MTFR1: variants seen among roughly 807,000 people sequenced by gnomAD.
MTFR1 encodes chondrocyte protein with a poly-proline region.
A neutral mutation model predicts 38.8 loss-of-function variants in MTFR1; 28 were observed. The ratio of observed to expected loss-of-function variants is 0.72; its 90% CI spans 0.53 to 0.99. MTFR1 has a LOEUF of 0.99. Among genes scored for constraint, MTFR1 ranks in the 50% least tolerant of loss-of-function variants. The pLI, the probability that MTFR1 is intolerant of heterozygous loss-of-function variation, is 0.00. For missense variants in MTFR1, 358 were observed against 395.5 expected (o/e 0.91, Z 0.81); for synonymous variants, 145 against 137.0 (o/e 1.06, Z -0.41).
chr8:65,662,032 CCTCTCTCTCCCTCTCTCTCTCCCT>C (rs764025677), intron 1 of MTFR1, among the ~76,000 whole-genome samples: 9 of 100,528 alleles, frequency 9.0e-5, no homozygotes, highest in South Asian at 4.4e-4. Context: ...TCTCTCTCTC[CCTCTCTCTCCCTCTCTCTCTCCCT>C]CTCTCTCTCC....
chr8:65,719,218 C>G (rs1226514229), intron 2 of MTFR1: 1 of 1,002,188 alleles, frequency 1.0e-6, no homozygotes, highest in Non-Finnish European at 1.6e-6. Flanking sequence ...GAGTTAAGTT[C>G]TCTCACCTCA....
chr8:65,771,589 C>T (rs753983690), downstream of MTFR1, among the ~76,000 whole-genome samples: 2 of 151,968 alleles, frequency 1.3e-5, no homozygotes, highest in Non-Finnish European at 2.9e-5. Context: ...GCTGGGCGCA[C>T]GCAGTGGCTC....
intron 3 of MTFR1, among the ~76,000 whole-genome samples, chr8:65,763,303 G>A (rs938230950): frequency 6.6e-6 from 1 of 152,074 alleles, no homozygotes; most frequent in Non-Finnish European, 1.5e-5. Flanking sequence ...GGTGGCTCAC[G>A]CCTGTTAATC....
intron 3 of MTFR1, among the ~76,000 whole-genome samples, chr8:65,737,666 A>G (rs766602380): frequency 6.6e-6 from 1 of 151,942 alleles, no homozygotes; most frequent in Non-Finnish European, 1.5e-5. Flanking sequence ...TTACAGGCAC[A>G]TGCCTCCACA....
intron 2 of MTFR1, among the ~76,000 whole-genome samples, chr8:65,680,148 T>A (rs1466747252): frequency 6.6e-6 from 1 of 151,232 alleles, no homozygotes; most frequent in African/African-American, 2.4e-5. Context: ...GATTTCCACT[T>A]TGTTGGTTTT....
chr8:65,655,951 A>ATATATATATATATATATATGTAT, intron 1 of MTFR1, among the ~76,000 whole-genome samples: 1 of 55,404 alleles, frequency 1.8e-5, no homozygotes. Flanking sequence ...TAAAAAAAAA[A>ATATATATATATATATATATGTAT]ATATATATAT....
chr8:65,726,968 T>C, intron 3 of MTFR1: 1 of 1,553,394 alleles, frequency 6.4e-7, no homozygotes, highest in Non-Finnish European at 8.9e-7. Flanking sequence ...TGAGGTATTC[T>C]ACAACAAAGG....
chr8:65,677,788 T>C (rs1190805507), intron 2 of MTFR1, among the ~76,000 whole-genome samples: 1 of 151,180 alleles, frequency 6.6e-6, no homozygotes, highest in Non-Finnish European at 1.5e-5. Flanking sequence ...GAGGCTGAGG[T>C]GGGTGGATCA....
At chr8:65,726,819 T>C (rs1806631819) in intron 3 of MTFR1, 2 of 889,264 alleles carry the variant, frequency 2.2e-6, no homozygotes, top group African/African-American at 1.7e-5. Context: ...AAAATTACTT[T>C]GCCAACTTAA....
Position 65,707,143 on chromosome 8 carries a change from A to T in MTFR1, c.651A>T (p.Lys217Asn), listed in dbSNP as rs1237391258. 6.2e-7 allele frequency: 1 copy of T among 1,614,066 alleles called. No homozygotes were observed. Among genetic ancestry groups the T allele is most frequent in the African/African-American group, 1.3e-5 (1 of 74,916 alleles). The part of the protein sequence containing the change: ...AVDLIKERRE[K>N]RANAGKTLVK... Reference sequence around the variant, plus strand: ...ATCTGATTAAAGAACGAAGAGAGAAAAGAGCCAATGCTGGAAAGACTTTGG... The same window carrying T: ...ATCTGATTAAAGAACGAAGAGAGAATAGAGCCAATGCTGGAAAGACTTTGG... Residue 217 changes from lysine to asparagine, a missense_variant, in exon 6 of 8, where the codon AAA (lysine) becomes AAT (asparagine). Coordinates refer to ENST00000262146, the MANE Select transcript of MTFR1 (RefSeq NM_014637.4).
chr8:65,669,608 A>G (rs1314984428), intron 1 of MTFR1, among the ~76,000 whole-genome samples: 4 of 151,838 alleles, frequency 2.6e-5, no homozygotes, highest in African/African-American at 7.3e-5. Flanking sequence ...CTGGAGTACA[A>G]TGGCGCGATC....
chr8:65,775,710 C>T (rs1224029232), downstream of MTFR1, among the ~76,000 whole-genome samples: 4 of 152,204 alleles, frequency 2.6e-5, no homozygotes, highest in Non-Finnish European at 5.9e-5. Context: ...TAACTGCAAC[C>T]TCCGCCTCCC....
chr8:65,724,268 T>A (rs1330435525), intron 3 of MTFR1: 2 of 1,609,032 alleles, frequency 1.2e-6, no homozygotes, highest in Non-Finnish European at 1.7e-6. Context: ...GATGGAAGAA[T>A]TCCTCCGTTA....
In MTFR1 at chr8:65,693,740, G is replaced by C. The variant is rs1422299991; in HGVS notation, c.262G>C (p.Glu88Gln). 1.2e-6 allele frequency: 2 copies of C among 1,614,062 alleles called. No homozygotes were observed. Among genetic ancestry groups the C allele is most frequent in the Non-Finnish European group, 1.7e-6 (2 of 1,179,950 alleles). ...TGGATGGGTAGCCAAAGAAGAAGGAGAGTGTTCAGCAAGACTAAGGTTAGT... is the reference window on the plus strand; with the variant it reads ...TGGATGGGTAGCCAAAGAAGAAGGACAGTGTTCAGCAAGACTAAGGTTAGT... ...DVGWVAKEEG[E>Q]CSARLRTEVR... Residue 88 changes from glutamate to glutamine, a missense_variant, in exon 4 of 8, where the codon GAG (glutamate) becomes CAG (glutamine). Physicochemically the swap from Glu to Gln is conservative, Grantham distance 29. Transcript: ENST00000262146.
chr8:65,706,864 A>C, intron 5 of MTFR1, 146 bp from the exon 6 acceptor site: 1 of 833,852 alleles, frequency 1.2e-6, no homozygotes, highest in Non-Finnish European at 1.8e-6. Flanking sequence ...AAGTAACTGA[A>C]ACTGTCTTGC....
chr8:65,747,703 C>T (rs748733318), intron 3 of MTFR1: 68 of 1,611,184 alleles, frequency 4.2e-5, no homozygotes, highest in Admixed American at 6.7e-5. Flanking sequence ...AATTTGAAAC[C>T]GCAGTACCAC....
intron 3 of MTFR1, among the ~76,000 whole-genome samples, chr8:65,756,791 T>C (rs1808258666): frequency 6.6e-6 from 1 of 152,182 alleles, no homozygotes; most frequent in South Asian, 2.1e-4. Context: ...TCCTGTGGGC[T>C]ATATTTTCCT....
At chr8:65,724,545 T>C (rs993761207) in intron 3 of MTFR1, among the ~76,000 whole-genome samples, 1 of 152,168 alleles carries the variant, frequency 6.6e-6, no homozygotes, top group African/African-American at 2.4e-5. Context: ...CTTGTAAAAA[T>C]TGTTTTCATC....
chr8:65,727,141 A>G, intron 3 of MTFR1: 1 of 1,328,658 alleles, frequency 7.5e-7, no homozygotes, highest in Non-Finnish European at 1.1e-6. Flanking sequence ...TGCAAAAATA[A>G]TAAATCTTGA....
Sources: gnomAD v4.1 joint callset for allele counts (sites outside exome capture counted in the v4.1 genomes callset) on GRCh38, gnomAD v4.1.1 for gene constraint, MANE v1.5 for transcripts, NCBI Gene and HGNC (gene_info 2026-07-23, HGNC 2026-07-21) for gene names.